SPTLC2: variants seen among roughly 807,000 people sequenced by gnomAD.
SPTLC2 encodes serine palmitoyltransferase 2.
In SPTLC2, 21 loss-of-function variants were observed where a neutral mutation model predicts 62.0. The ratio of observed to expected loss-of-function variants is 0.34; its 90% CI spans 0.24 to 0.49. SPTLC2 has a LOEUF of 0.49. Ranked by LOEUF, SPTLC2 falls within the 20% of genes least tolerant of loss-of-function variation. The pLI is 0.99. For synonymous variants in SPTLC2, 261 were observed against 261.8 expected (o/e 1.00, Z 0.03); for missense variants, 511 against 713.0 (o/e 0.72, Z 3.23).
chr14:77,545,661 G>T (rs1288073507), intron 9 of SPTLC2, among the ~76,000 whole-genome samples: 2 of 152,106 alleles, frequency 1.3e-5, no homozygotes, highest in African/African-American at 4.8e-5. Context: ...GAACAGCTAG[G>T]ATCAAGTCTA....
intron 3 of SPTLC2, among the ~76,000 whole-genome samples, chr14:77,577,738 A>C (rs1223746387): frequency 6.6e-6 from 1 of 152,182 alleles, no homozygotes; most frequent in South Asian, 2.1e-4. Flanking sequence ...TCTCTACTAA[A>C]AAACACAAAA....
intron 9 of SPTLC2, among the ~76,000 whole-genome samples, chr14:77,532,762 C>G (rs559362433): frequency 1.3e-5 from 2 of 151,214 alleles, no homozygotes; most frequent in Admixed American, 1.3e-4. Context: ...CCAGCCTGGG[C>G]AACAGAGCAA....
At chr14:77,572,416 C>T (rs2079689111) in intron 4 of SPTLC2, among the ~76,000 whole-genome samples, 1 of 152,082 alleles carries the variant, frequency 6.6e-6, no homozygotes, top group Admixed American at 6.6e-5. Flanking sequence ...TCCATTGTGT[C>T]CCACCAAAAA....
intron 4 of SPTLC2, among the ~76,000 whole-genome samples, chr14:77,573,681 G>C (rs1433025831): frequency 6.6e-6 from 1 of 152,120 alleles, no homozygotes; most frequent in Admixed American, 6.5e-5. Context: ...CAGGTGGAGT[G>C]CAGTGGTGTG....
intron 9 of SPTLC2, among the ~76,000 whole-genome samples, chr14:77,534,203 C>G (rs1180533818): frequency 6.7e-6 from 1 of 149,796 alleles, no homozygotes; most frequent in Non-Finnish European, 1.5e-5. Flanking sequence ...CACACACACA[C>G]ACACACACAC....
rs371307729 is a variant in SPTLC2, at chr14:77,597,340, G to A, written c.173C>T (p.Pro58Leu). Reference protein sequence around the residue: ...VTQNGGLYKRPFNEAFEETPM... With the variant: ...VTQNGGLYKRLFNEAFEETPM... ...TGTTTCTTCAAAAGCTTCATTAAACGGTCTTTTATATAGTCCTCCATTTTG... is the reference window on the plus strand; with the variant it reads ...TGTTTCTTCAAAAGCTTCATTAAACAGTCTTTTATATAGTCCTCCATTTTG... Residue 58 changes from proline (P) to leucine (L), a missense_variant, in exon 2 of 12, where the codon CCG becomes CTG. Physicochemically the swap from Pro to Leu is moderately conservative, Grantham distance 98. Transcript: ENST00000216484. 1.6e-5 allele frequency: 26 copies of A among 1,613,950 alleles called. No homozygotes were observed. Among genetic ancestry groups the A allele is most frequent in the East Asian group, 4.5e-5 (2 of 44,898 alleles).
chr14:77,597,533 G>A (rs567732427), intron 1 of SPTLC2, among the ~76,000 whole-genome samples, 153 bp from the exon 2 acceptor site: 3 of 152,292 alleles, frequency 2.0e-5, no homozygotes, highest in South Asian at 2.1e-4. Context: ...CCAGCACTTT[G>A]GGAGGCTGAG....
At chr14:77,529,620 C>CTTTCTTTCTTTTTTTTTTTTTTTT (rs1555373703) in intron 9 of SPTLC2, among the ~76,000 whole-genome samples, 2 of 76,048 alleles carry the variant, frequency 2.6e-5, no homozygotes, top group Non-Finnish European at 5.4e-5. Context: ...TTCTTTCTTT[C>CTTTCTTTCTTTTTTTTTTTTTTTT]TTTTTTTTTT....
Position 77,616,628 on chromosome 14 carries a change from G to T in SPTLC2, c.-49C>A. Reference sequence around the variant, plus strand: ...GGCAGGCTCTGTAGGCGGTGGCAGCGGCGGCGGCTGCTCCAAGTCCCGCTC... The same window carrying T: ...GGCAGGCTCTGTAGGCGGTGGCAGCTGCGGCGGCTGCTCCAAGTCCCGCTC... On this transcript the variant is annotated 5_prime_UTR_variant, in exon 1 of 12. Transcript: ENST00000216484. The T allele has an allele frequency of 2.6e-6, 4 of 1,510,964 alleles. No homozygotes were observed. The Admixed American group carries it at 7.9e-5, about 30-fold the overall frequency. The allele number at this position is 1,510,964 out of a possible 1,614,324, so 93.6% of individuals were successfully genotyped here.
chr14:77,555,573 A>T, intron 7 of SPTLC2, 54 bp from the exon 8 acceptor site: 2 of 1,553,170 alleles, frequency 1.3e-6, no homozygotes, highest in East Asian at 4.6e-5. Context: ...GACTTTTTAA[A>T]TCAAAATTGG....
intron 9 of SPTLC2, among the ~76,000 whole-genome samples, chr14:77,532,348 C>T (rs577433737): frequency 4.6e-5 from 7 of 152,056 alleles, no homozygotes; most frequent in Admixed American, 2.6e-4. Context: ...TAAAAATATT[C>T]GTTTTTTATC....
At chr14:77,573,088 T>C (rs534265506) in intron 4 of SPTLC2, among the ~76,000 whole-genome samples, 4 of 152,318 alleles carry the variant, frequency 2.6e-5, no homozygotes, top group Non-Finnish European at 5.9e-5. Context: ...GAGGCCTCGC[T>C]TTTGGCCTAT....
chr14:77,556,512 G>A (rs17824754), intron 7 of SPTLC2, among the ~76,000 whole-genome samples: 1 of 152,034 alleles, frequency 6.6e-6, no homozygotes, highest in East Asian at 1.9e-4. Context: ...GTAAAAATAC[G>A]TGTAAAAGCT....
intron 1 of SPTLC2, among the ~76,000 whole-genome samples, chr14:77,597,921 C>CA (rs565017392): frequency 5.2e-4 from 79 of 151,618 alleles, no homozygotes; most frequent in African/African-American, 1.9e-3. Flanking sequence ...GTTGGGAGTT[C>CA]AAGCCCAGCC....
Position 77,522,855 on chromosome 14 carries a change from T to G in SPTLC2, c.1304-1274A>C, listed in dbSNP as rs567596599. On this transcript the variant is annotated intron_variant, in intron 9 of 11. Transcript: ENST00000216484. ...GCATGATACATGACATAAGTTCTTA[T>G]GACAAATTAACCAGACATACAGATA... Among the ~76,000 whole-genome samples the G allele has an allele frequency of 5.9e-5, 9 of 152,336 alleles. No individual in the cohort carries two copies. The East Asian group carries it at 1.7e-3, about 29-fold the overall frequency.
chr14:77,567,944 T>C (rs1437000300), intron 5 of SPTLC2, among the ~76,000 whole-genome samples: 1 of 152,134 alleles, frequency 6.6e-6, no homozygotes, highest in Admixed American at 6.6e-5. Context: ...CAGATTTTTA[T>C]GGATTTTGGA....
chr14:77,562,610 C>T (rs1372331033), intron 5 of SPTLC2, 121 bp from the exon 6 acceptor site: 1 of 740,944 alleles, frequency 1.3e-6, no homozygotes, highest in African/African-American at 1.7e-5. Flanking sequence ...CACAACAGCA[C>T]AGTGATCAAT....
chr14:77,596,510 T>TAAATAAACAAAC (rs1555377974), intron 2 of SPTLC2, among the ~76,000 whole-genome samples: 74 of 150,988 alleles, frequency 4.9e-4, no homozygotes, highest in African/African-American at 1.6e-3. Context: ...TCTCAAAAAA[T>TAAATAAACAAAC]AAACAAACAA....
intron 7 of SPTLC2, among the ~76,000 whole-genome samples, chr14:77,556,269 C>T (rs960222083): frequency 5.3e-5 from 8 of 152,012 alleles, no homozygotes; most frequent in East Asian, 1.9e-4. Flanking sequence ...GCCGACATCC[C>T]GCCACTGCAC....
Sources: allele counts gnomAD v4.1 joint callset (sites outside exome capture counted in the v4.1 genomes callset), GRCh38; gene constraint gnomAD v4.1.1; transcripts MANE v1.5; gene names NCBI Gene and HGNC (gene_info 2026-07-23, HGNC 2026-07-21).